The following RAB11FIP4 variants were observed in gnomAD, a reference collection of about 807,000 sequenced individuals.
RAB11FIP4 encodes RAB11 family interacting protein 4.
In RAB11FIP4, 23 loss-of-function variants were observed where a neutral mutation model predicts 74.3. That is an observed-to-expected ratio of 0.31 (90% CI 0.22 to 0.44). RAB11FIP4 has a LOEUF of 0.44. Among genes scored for constraint, RAB11FIP4 ranks in the 20% least tolerant of loss-of-function variants. The pLI is 1.00. For missense variants in RAB11FIP4, 630 were observed against 863.9 expected (o/e 0.73, Z 3.39); for synonymous variants, 360 against 359.9 (o/e 1.00, Z 0.00).
chr17:31,393,069 T>A (rs971363798), intron 1 of RAB11FIP4, among the ~76,000 whole-genome samples: 1 of 151,932 alleles, frequency 6.6e-6, no homozygotes, highest in African/African-American at 2.4e-5. Flanking sequence ...CACCAGAGAG[T>A]GGGAGGCGAT....
intron 3 of RAB11FIP4, among the ~76,000 whole-genome samples, chr17:31,500,427 GTC>G (rs2072196549): frequency 2.0e-5 from 3 of 152,292 alleles, no homozygotes; most frequent in Non-Finnish European, 4.4e-5. Context: ...CAGAAATACT[GTC>G]TGGCACGGAG....
chr17:31,521,893 AT>A, intron 5 of RAB11FIP4, 21 bp from the exon 6 acceptor site: 1 of 1,613,940 alleles, frequency 6.2e-7, no homozygotes, highest in Non-Finnish European at 8.5e-7. Context: ...TAAGGTGGTG[AT>A]TCCTTTCCCT....
intron 3 of RAB11FIP4, among the ~76,000 whole-genome samples, chr17:31,494,334 A>G (rs908985786): frequency 6.6e-6 from 1 of 151,990 alleles, no homozygotes; most frequent in African/African-American, 2.4e-5. Context: ...TCGTGGTAAG[A>G]GGATGAGGCT....
At chr17:31,477,290 G>A (rs1474508155) in intron 3 of RAB11FIP4, among the ~76,000 whole-genome samples, 1 of 152,216 alleles carries the variant, frequency 6.6e-6, no homozygotes, top group Non-Finnish European at 1.5e-5. Context: ...CTGCCACCTG[G>A]AGTGTTCCTC....
intron 3 of RAB11FIP4, among the ~76,000 whole-genome samples, chr17:31,498,095 T>G (rs1216756028): frequency 6.6e-6 from 1 of 152,048 alleles, no homozygotes; most frequent in East Asian, 1.9e-4. Context: ...TGCGAGCTGC[T>G]CTCAGGAGCT....
At chr17:31,410,266 C>G (rs1397181179) in intron 1 of RAB11FIP4, among the ~76,000 whole-genome samples, 1 of 152,072 alleles carries the variant, frequency 6.6e-6, no homozygotes, top group Non-Finnish European at 1.5e-5. Flanking sequence ...GATAAGTATC[C>G]AAGTCCATAA....
chr17:31,516,398 C>T (rs1376445285), intron 3 of RAB11FIP4, among the ~76,000 whole-genome samples: 1 of 152,066 alleles, frequency 6.6e-6, no homozygotes, highest in East Asian at 1.9e-4. Context: ...TGTCCAGGTT[C>T]TTAGCGTCTT....
At position 31,391,889 on chromosome 17, in the gene RAB11FIP4, G is replaced by T. The variant is rs1484045965; in HGVS notation, c.37G>T (p.Ala13Ser). The T allele has an allele frequency of 8.0e-7, 1 of 1,245,498 alleles. No individual in the cohort carries two copies. The allele number at this position is 1,245,498 out of a possible 1,614,324, so 77.2% of individuals were successfully genotyped here. Residue 13 changes from alanine to serine, a missense_variant, in exon 1 of 15, where the codon GCT becomes TCT. Transcript: ENST00000621161. ...CGCGGGCTGGTCGGGCGCCCCCGCG[G>T]CTCTGCTGCGCTCCGTGCGCCGCCT... Reference protein sequence around the residue: ...GGAGWSGAPAALLRSVRRLRE... With the variant: ...GGAGWSGAPASLLRSVRRLRE...
In RAB11FIP4 at chr17:31,522,410, G is replaced by A. The variant is rs768748354; in HGVS notation, c.929+15G>A. On this transcript the variant is annotated intron_variant, in intron 7 of 14. Coordinates refer to ENST00000621161, the MANE Select transcript of RAB11FIP4 (RefSeq NM_032932.6). ...GCCTTTGGACGGTAAGGCCCGCCTC[G>A]AGGGAGGGCAAATTGAGTGCTGTCC... 60 of 1,612,724 alleles carry A rather than the reference G, an allele frequency of 3.7e-5. 1 individual carries two copies. The highest frequency in any genetic ancestry group is 3.6e-4 in the South Asian group (33 of 91,002).
chr17:31,514,667 G>C (rs1415762313), intron 3 of RAB11FIP4, among the ~76,000 whole-genome samples: 7 of 152,252 alleles, frequency 4.6e-5, no homozygotes, highest in Non-Finnish European at 1.0e-4. Flanking sequence ...GTGTGGCCAG[G>C]AAGGTGAAAA....
At chr17:31,485,010 C>T (rs934570532) in intron 3 of RAB11FIP4, among the ~76,000 whole-genome samples, 5 of 152,230 alleles carry the variant, frequency 3.3e-5, no homozygotes, top group African/African-American at 4.8e-5. Flanking sequence ...AGAACCAGTG[C>T]GTCAGACTGC....
chr17:31,505,435 AT>A (rs1236296309), intron 3 of RAB11FIP4, among the ~76,000 whole-genome samples: 27 of 63,298 alleles, frequency 4.3e-4, no homozygotes, highest in Middle Eastern at 6.4e-3. Context: ...ATATATAATT[AT>A]TATATAATAT....
intron 3 of RAB11FIP4, among the ~76,000 whole-genome samples, chr17:31,511,256 G>A (rs2072446344): frequency 6.6e-6 from 1 of 152,112 alleles, no homozygotes; most frequent in Admixed American, 6.5e-5. Context: ...TGTCCTTAAC[G>A]CCACCCCGCG....
At chr17:31,412,214 A>G (rs986224369) in intron 1 of RAB11FIP4, among the ~76,000 whole-genome samples, 1 of 152,156 alleles carries the variant, frequency 6.6e-6, no homozygotes, top group Non-Finnish European at 1.5e-5. Flanking sequence ...CTCCTCTCAC[A>G]CAGATGCCGG....
intron 3 of RAB11FIP4, among the ~76,000 whole-genome samples, chr17:31,508,326 AC>A (rs2072390710): frequency 6.6e-6 from 1 of 152,036 alleles, no homozygotes. Context: ...CTTTTCCCAC[AC>A]CCCACAACTT....
intron 7 of RAB11FIP4, 161 bp from the exon 8 acceptor site, chr17:31,523,351 C>T (rs547091707): frequency 1.9e-4 from 126 of 665,052 alleles, no homozygotes; most frequent in East Asian, 9.5e-4. Context: ...CGGGGTGATC[C>T]GCTGAGTTTG....
intron 3 of RAB11FIP4, among the ~76,000 whole-genome samples, chr17:31,483,042 A>C (rs1290867919): frequency 6.6e-6 from 1 of 151,774 alleles, no homozygotes; most frequent in Non-Finnish European, 1.5e-5. Context: ...AAAATACAAA[A>C]ATTAGCCAGG....
At chr17:31,487,090 G>C (rs994861002) in intron 3 of RAB11FIP4, among the ~76,000 whole-genome samples, 5 of 152,204 alleles carry the variant, frequency 3.3e-5, no homozygotes, top group African/African-American at 1.2e-4. Context: ...GGCCAGTGAA[G>C]ACTCAGGGAA....
At chr17:31,527,702 A>G (rs1375374803) in intron 10 of RAB11FIP4, 140 bp from the exon 11 acceptor site, 1 of 620,684 alleles carries the variant, frequency 1.6e-6, no homozygotes, top group Non-Finnish European at 2.8e-6. Context: ...TGTCTTTGAC[A>G]TAATAATCAT....
Sources: allele counts gnomAD v4.1 joint callset (sites outside exome capture counted in the v4.1 genomes callset), GRCh38; gene constraint gnomAD v4.1.1; transcripts MANE v1.5; gene names NCBI Gene and HGNC (gene_info 2026-07-23, HGNC 2026-07-21).